Variants in SPAG16 observed in about 807,000 individuals in gnomAD.
SPAG16 encodes the protein sperm associated antigen 16, also known as sperm-associated antigen 16 protein.
SPAG16 carries 86 observed loss-of-function variants against 80.4 expected under a neutral mutation model. The observed-to-expected ratio is 1.07, with a 90% confidence interval of 0.90 to 1.28. SPAG16 has a LOEUF of 1.28. Among genes scored for constraint, SPAG16 ranks in the 50% most tolerant of loss-of-function variants. SPAG16 has a pLI of 0.00. For missense variants in SPAG16, 870 were observed against 765.3 expected (o/e 1.14, Z -1.61); for synonymous variants, 294 against 265.9 (o/e 1.11, Z -1.03).
At chr2:214,053,765 C>T (rs2049785847) in intron 13 of SPAG16, among the ~76,000 whole-genome samples, 1 of 152,118 alleles carries the variant, frequency 6.6e-6, no homozygotes, top group Non-Finnish European at 1.5e-5. Context: ...CTCACACAGC[C>T]AGTAAGTGAC....
chr2:213,284,824 C>T (rs903807750), intron 1 of SPAG16: 4 of 677,308 alleles, frequency 5.9e-6, no homozygotes, highest in African/African-American at 5.5e-5. Context: ...CCCAGGGTGT[C>T]CTGTACCTGT....
chr2:214,238,605 A>C (rs1689237783), intron 15 of SPAG16: 1 of 150,424 alleles, frequency 6.6e-6, no homozygotes, highest in African/African-American at 2.5e-5. Flanking sequence ...TATTGCTGTG[A>C]TTAACAAAGC....
At chr2:213,661,085 T>G (rs2063410310) in intron 10 of SPAG16, among the ~76,000 whole-genome samples, 1 of 152,224 alleles carries the variant, frequency 6.6e-6, no homozygotes, top group African/African-American at 2.4e-5. Context: ...ATAGGTAGCC[T>G]TGGTCCATGG....
intron 12 of SPAG16, among the ~76,000 whole-genome samples, chr2:213,960,843 C>T (rs756596377): frequency 6.6e-6 from 1 of 152,112 alleles, no homozygotes; most frequent in Non-Finnish European, 1.5e-5. Context: ...GGAGCGCTTG[C>T]AATAATGCGG....
intron 12 of SPAG16, among the ~76,000 whole-genome samples, chr2:213,955,396 T>A (rs1310945400): frequency 6.6e-6 from 1 of 152,214 alleles, no homozygotes; most frequent in Non-Finnish European, 1.5e-5. Flanking sequence ...TACATGTGGA[T>A]GTTCACTTGT....
At chr2:213,987,291 C>G (rs2046061852) in intron 12 of SPAG16, among the ~76,000 whole-genome samples, 1 of 152,064 alleles carries the variant, frequency 6.6e-6, no homozygotes, top group Non-Finnish European at 1.5e-5. Flanking sequence ...GCCTGCCTAC[C>G]TCATTCTGCC....
intron 10 of SPAG16, among the ~76,000 whole-genome samples, chr2:213,688,492 C>T (rs1574818402): frequency 3.3e-5 from 5 of 152,124 alleles, no homozygotes; most frequent in Admixed American, 1.3e-4. Context: ...TAATGTTACA[C>T]ATAAAATATT....
intron 14 of SPAG16, among the ~76,000 whole-genome samples, chr2:214,133,376 C>T (rs1277560887): frequency 6.6e-6 from 1 of 151,924 alleles, no homozygotes; most frequent in African/African-American, 2.4e-5. Flanking sequence ...GTAAAAATGG[C>T]CTTCCAAGGC....
chr2:213,900,302 T>G (rs1575496355), intron 11 of SPAG16, among the ~76,000 whole-genome samples: 1 of 152,256 alleles, frequency 6.6e-6, no homozygotes, highest in South Asian at 2.1e-4. Flanking sequence ...GGAAAAATCC[T>G]TTAGTTAAAT....
chr2:213,558,521 A>G (rs1271693864), intron 10 of SPAG16, among the ~76,000 whole-genome samples: 1 of 152,040 alleles, frequency 6.6e-6, no homozygotes, highest in East Asian at 1.9e-4. Flanking sequence ...ATAAAATCAA[A>G]GTAAAAGATA....
chr2:214,389,202 T>G (rs575653037), intron 15 of SPAG16, among the ~76,000 whole-genome samples: 1 of 152,328 alleles, frequency 6.6e-6, no homozygotes, highest in South Asian at 2.1e-4. Context: ...ACCAGTTGAT[T>G]GTGGCAGAGA....
chr2:213,794,235 T>C lies in SPAG16; in HGVS notation c.1071-68250T>C, dbSNP rs571639927. On this transcript the variant is annotated intron_variant, in intron 10 of 15. Coordinates refer to ENST00000331683, the MANE Select transcript of SPAG16 (RefSeq NM_024532.5). ...GCTGAATTTGAAATAAAAATTATTT[T>C]AATTACAGCAACAAAAAAGTCAATA... 2.3e-4 allele frequency among the ~76,000 whole-genome samples: 35 copies of C among 152,314 alleles called. No individual in the cohort carries two copies. In the South Asian group the frequency reaches 6.8e-3, roughly 30 times the overall value.
At chr2:214,149,928 G>A (rs768630777) in intron 15 of SPAG16, among the ~76,000 whole-genome samples, 1 of 151,934 alleles carries the variant, frequency 6.6e-6, no homozygotes, top group Non-Finnish European at 1.5e-5. Context: ...AAATACAGTT[G>A]CATCTGCATC....
At chr2:213,917,827 G>T (rs1480944042) in intron 11 of SPAG16, among the ~76,000 whole-genome samples, 1 of 152,130 alleles carries the variant, frequency 6.6e-6, no homozygotes, top group Non-Finnish European at 1.5e-5. Context: ...TAGGGATGGT[G>T]AAGAAGGCAT....
chr2:214,022,413 T>C (rs566607707), intron 13 of SPAG16, among the ~76,000 whole-genome samples: 2 of 152,286 alleles, frequency 1.3e-5, no homozygotes, highest in South Asian at 4.1e-4. Context: ...AAAATATTTT[T>C]CCCACAATTT....
chr2:214,401,219 T>G (rs2126145223), intron 15 of SPAG16, among the ~76,000 whole-genome samples: 1 of 152,078 alleles, frequency 6.6e-6, no homozygotes, highest in East Asian at 1.9e-4. Flanking sequence ...TTGAGGCATC[T>G]TTTAAAGAAA....
chr2:214,255,552 T>C (rs1690618825), intron 15 of SPAG16, among the ~76,000 whole-genome samples: 1 of 151,934 alleles, frequency 6.6e-6, no homozygotes, highest in Non-Finnish European at 1.5e-5. Flanking sequence ...TCCACACATA[T>C]TATTGATTAG....
intron 15 of SPAG16, among the ~76,000 whole-genome samples, chr2:214,248,286 TATA>T (rs774550608): frequency 1.8e-3 from 236 of 128,094 alleles, no homozygotes; most frequent in African/African-American, 6.7e-3. Context: ...GTACTATTCT[TATA>T]TTATTATTAT....
chr2:213,590,911 A>C (rs1396803687), intron 10 of SPAG16, among the ~76,000 whole-genome samples: 1 of 151,486 alleles, frequency 6.6e-6, no homozygotes, highest in Admixed American at 6.6e-5. Flanking sequence ...GCTACTCATC[A>C]GTGATGGATT....
Sources: allele counts gnomAD v4.1 joint callset (sites outside exome capture counted in the v4.1 genomes callset), GRCh38; gene constraint gnomAD v4.1.1; transcripts MANE v1.5; gene names NCBI Gene and HGNC (gene_info 2026-07-23, HGNC 2026-07-21).